Variants in SENP6 observed in about 807,000 individuals in gnomAD.
SENP6 encodes SUMO specific peptidase 6.
SENP6 carries 41 observed loss-of-function variants against 134.5 expected under a neutral mutation model. That is an observed-to-expected ratio of 0.30 (90% CI 0.24 to 0.40). SENP6 has a LOEUF of 0.40. SENP6 is among the 10% of genes least tolerant of loss of function. The probability of loss-of-function intolerance (pLI) is 1.00; values close to 1 mark genes in which losing one functional copy is unlikely to be tolerated. For missense variants in SENP6, 1,248 were observed against 1,312.5 expected, an observed-to-expected ratio of 0.95 and a Z score of 0.76; for synonymous variants, 395 against 429.8, an observed-to-expected ratio of 0.92 and a Z score of 1.00.
At chr6:75,606,546 T>G (rs1767041837) in intron 1 of SENP6, among the ~76,000 whole-genome samples, 1 of 152,126 alleles carries the variant, frequency 6.6e-6, no homozygotes, top group African/African-American at 2.4e-5. Context: ...TTCAGTCTAG[T>G]GAGGAAAGTA....
intron 5 of SENP6, among the ~76,000 whole-genome samples, chr6:75,638,407 A>G (rs1235325134): frequency 6.7e-6 from 1 of 150,256 alleles, no homozygotes; most frequent in African/African-American, 2.4e-5. Context: ...TTATTTTAAC[A>G]TGAAAGCAAC....
chr6:75,646,984 T>C (rs574568045), intron 6 of SENP6: 4 of 152,212 alleles, frequency 2.6e-5, no homozygotes, highest in African/African-American at 4.8e-5. Context: ...TTTGGAACTT[T>C]TGTTTGAGTA....
chr6:75,684,787 G>A (rs1773713115), intron 16 of SENP6, among the ~76,000 whole-genome samples: 1 of 152,168 alleles, frequency 6.6e-6, no homozygotes, highest in South Asian at 2.1e-4. Context: ...ATGTGCTGCT[G>A]GACTTCGTTT....
Position 75,621,738 on chromosome 6 carries a change from A to G in SENP6, c.146+113A>G, listed in dbSNP as rs536705084. On this transcript the variant is annotated intron_variant, in intron 2 of 23. Coordinates refer to ENST00000447266, the MANE Select transcript of SENP6 (RefSeq NM_015571.4). ...GAGTATGGTATTCTTAAGAAAACATATAACTCTTTCACAGTCGCTTTAAGG... is the reference window on the plus strand; with the variant it reads ...GAGTATGGTATTCTTAAGAAAACATGTAACTCTTTCACAGTCGCTTTAAGG... The G allele has an allele frequency of 2.4e-5, 15 of 618,034 alleles. 1 individual carries two copies. Among genetic ancestry groups the G allele is most frequent in the Admixed American group, 6.4e-5 (2 of 31,158 alleles). The allele number at this position is 618,034 out of a possible 1,614,324, so 38.3% of individuals were successfully genotyped here. A position where few individuals can be genotyped will look rare whatever the true frequency, so the allele number is the denominator to read the frequency against.
intron 21 of SENP6, among the ~76,000 whole-genome samples, chr6:75,712,744 A>G (rs1775822250): frequency 6.6e-6 from 1 of 152,114 alleles, no homozygotes; most frequent in Non-Finnish European, 1.5e-5. Context: ...TGAAAAAAAA[A>G]AGTTCTAAAC....
Position 75,678,607 on chromosome 6 carries a change from C to T in SENP6, c.1873C>T (p.Leu625Phe). Residue 625 changes from leucine to phenylalanine, a missense_variant, in exon 15 of 24, where the codon CTT (leucine) becomes TTT (phenylalanine). Around this residue, in one of 3 missense-constraint regions of SENP6, gnomAD observed 129 missense variants for 192.0 expected, o/e 0.67. Coordinates refer to ENST00000447266, the MANE Select transcript of SENP6 (RefSeq NM_015571.4). Reference protein sequence around the residue: ...KTVSFESKIQLRSKQEFQFFD... With the variant: ...KTVSFESKIQFRSKQEFQFFD... ...GGTATCATTTGAATCTAAAATACAA[C>T]TTAGAAGCAAACAAGAATTTCAGTT... 2 of 1,572,824 alleles carry T rather than the reference C, an allele frequency of 1.3e-6. No individual in the cohort carries two copies. Among genetic ancestry groups the T allele is most frequent in the Middle Eastern group, 1.7e-4 (1 of 5,988 alleles).
chr6:75,675,655 G>A (rs1773030517), intron 12 of SENP6, 187 bp downstream of exon 12: 1 of 729,986 alleles, frequency 1.4e-6, no homozygotes, highest in Admixed American at 3.1e-5. Context: ...TAACTTTTTA[G>A]AAACCCCTTT....
At chr6:75,625,382 T>C (rs1300960979) in intron 3 of SENP6, among the ~76,000 whole-genome samples, 2 of 152,112 alleles carry the variant, frequency 1.3e-5, no homozygotes, top group Non-Finnish European at 2.9e-5. Context: ...CCGAAAGTGT[T>C]GGGATTACAG....
chr6:75,656,263 G>A (rs553226432), intron 7 of SENP6, among the ~76,000 whole-genome samples: 12 of 151,614 alleles, frequency 7.9e-5, no homozygotes, highest in Non-Finnish European at 1.2e-4. Context: ...AATCTAGTAG[G>A]GAGTATCCTA....
chr6:75,660,761 A>G (rs1405075117), intron 8 of SENP6, among the ~76,000 whole-genome samples: 1 of 151,822 alleles, frequency 6.6e-6, no homozygotes, highest in Non-Finnish European at 1.5e-5. Context: ...CCTCCTGAGT[A>G]TCTGGGACTA....
chr6:75,694,050 A>T (rs1048053328), intron 16 of SENP6, among the ~76,000 whole-genome samples: 7 of 152,200 alleles, frequency 4.6e-5, no homozygotes, highest in African/African-American at 1.7e-4. Flanking sequence ...TGAGATCGAG[A>T]GTTCAAGACC....
chr6:75,640,013 G>C (rs1439259545), intron 5 of SENP6, among the ~76,000 whole-genome samples: 1 of 152,124 alleles, frequency 6.6e-6, no homozygotes, highest in African/African-American at 2.4e-5. Flanking sequence ...TACTGAAGTT[G>C]TTTCTGAATT....
chr6:75,617,586 G>T (rs1252505093), intron 1 of SENP6, among the ~76,000 whole-genome samples: 1 of 151,952 alleles, frequency 6.6e-6, no homozygotes, highest in African/African-American at 2.4e-5. Flanking sequence ...CCGGTTTAGA[G>T]AACTTCTATA....
intron 9 of SENP6, among the ~76,000 whole-genome samples, chr6:75,666,256 G>A (rs1447471739): frequency 3.4e-5 from 5 of 145,048 alleles, no homozygotes; most frequent in Admixed American, 7.0e-5. Flanking sequence ...ATATATATAC[G>A]ATATATATAA....
chr6:75,712,211 T>A lies in SENP6; in HGVS notation c.2909+795T>A, dbSNP rs1775789717. 3.9e-5 allele frequency among the ~76,000 whole-genome samples: 6 copies of A among 152,324 alleles called. No individual in the cohort carries two copies. The South Asian group carries it at 1.2e-3, about 32-fold the overall frequency. On this transcript the variant is annotated intron_variant, in intron 21 of 23. Coordinates refer to ENST00000447266, the MANE Select transcript of SENP6 (RefSeq NM_015571.4). ...TGTTTCTTCTGAGATGCTGAACTTC[T>A]TAGGTGAAGTATTACCTATTTCTAG...
Position 75,663,263 on chromosome 6 carries a change from T to A in SENP6, c.739T>A (p.Ser247Thr). 1 of 1,613,462 alleles carries A rather than the reference T, an allele frequency of 6.2e-7. No homozygotes were observed. The highest frequency in any genetic ancestry group is 8.5e-7 in the Non-Finnish European group (1 of 1,179,654). The change falls in exon 9 of 24, where the codon TCT becomes ACT. Residue 247 changes from serine (S) to threonine (T), a missense_variant. By Grantham distance (58) the Ser-to-Thr change is moderately conservative. Around this residue, in one of 3 missense-constraint regions of SENP6, gnomAD observed 733 missense variants for 725.4 expected, o/e 1.01. Transcript: ENST00000447266. ...CAGACAAGCTATTACTTTGAATGAG[T>A]CTACTGGACCATTATTAAGAACGTC... ...NCRQAITLNE[S>T]TGPLLRTSIH... is the part of the protein sequence containing the mutation.
chr6:75,660,340 C>A (rs566425083), intron 8 of SENP6, among the ~76,000 whole-genome samples: 33 of 152,320 alleles, frequency 2.2e-4, no homozygotes, highest in African/African-American at 7.9e-4. Flanking sequence ...AGGTATTTGA[C>A]TAATTCATTA....
intron 5 of SENP6, among the ~76,000 whole-genome samples, chr6:75,640,302 C>T (rs965080722): frequency 6.6e-6 from 1 of 152,118 alleles, no homozygotes; most frequent in African/African-American, 2.4e-5. Context: ...AATGTTTTTA[C>T]CAATGCTTCA....
chr6:75,655,206 G>C (rs890742338), intron 7 of SENP6: 2 of 152,260 alleles, frequency 1.3e-5, no homozygotes, highest in Non-Finnish European at 2.9e-5. Flanking sequence ...CGATGAGGGA[G>C]GAAGTGGACA....
Sources: gnomAD v4.1 joint callset for allele counts (sites outside exome capture counted in the v4.1 genomes callset) on GRCh38, gnomAD v4.1.1 for gene constraint, gnomAD v4.1.1 regional missense constraint, MANE v1.5 for transcripts, NCBI Gene and HGNC (gene_info 2026-07-23, HGNC 2026-07-21) for gene names.